PXDNL: variants seen among roughly 807,000 people sequenced by gnomAD.
PXDNL encodes peroxidasin like, also known as probable oxidoreductase PXDNL.
PXDNL carries 145 observed loss-of-function variants against 150.8 expected under a neutral mutation model. That is an observed-to-expected ratio of 0.96 (90% CI 0.84 to 1.10). PXDNL has a LOEUF of 1.10. Among genes scored for constraint, PXDNL ranks in the 50% least tolerant of loss-of-function variants. PXDNL has a pLI of 0.00. For synonymous variants in PXDNL, 757 were observed against 725.7 expected (o/e 1.04, Z -0.69); for missense variants, 2,087 against 1,873.9 (o/e 1.11, Z -2.10).
At chr8:51,360,382 G>T (rs1430515040) in intron 19 of PXDNL, among the ~76,000 whole-genome samples, 2 of 152,100 alleles carry the variant, frequency 1.3e-5, no homozygotes, top group African/African-American at 2.4e-5. Flanking sequence ...TCATGCATAT[G>T]ACTATACATG....
chr8:51,643,344 G>T (rs1357914706), intron 2 of PXDNL, among the ~76,000 whole-genome samples: 1 of 152,024 alleles, frequency 6.6e-6, no homozygotes, highest in Non-Finnish European at 1.5e-5. Context: ...CCAAAACAGA[G>T]ATATAGACCA....
intron 2 of PXDNL, among the ~76,000 whole-genome samples, chr8:51,639,303 C>A (rs891650559): frequency 2.6e-4 from 39 of 151,852 alleles, no homozygotes; most frequent in Non-Finnish European, 4.9e-4. Flanking sequence ...TAGAAAAGCA[C>A]GAGCAAACAC....
chr8:51,377,418 T>C (rs2915502), intron 17 of PXDNL, among the ~76,000 whole-genome samples: 125,431 of 152,206 alleles, frequency 0.82, 51,848 homozygotes, highest in East Asian at 0.95. Flanking sequence ...ACTCTGGCCG[T>C]GCTTGAGGGG....
At chr8:51,646,106 C>G (rs906218952) in intron 2 of PXDNL, among the ~76,000 whole-genome samples, 2 of 152,092 alleles carry the variant, frequency 1.3e-5, no homozygotes, top group African/African-American at 4.8e-5. Flanking sequence ...CCTCACGTGA[C>G]TAAATTTGCA....
intron 21 of PXDNL, among the ~76,000 whole-genome samples, chr8:51,337,252 A>G (rs998903348): frequency 6.6e-6 from 1 of 152,216 alleles, no homozygotes; most frequent in South Asian, 2.1e-4. Flanking sequence ...TATCACCACC[A>G]ATATGTAATG....
chr8:51,391,335 T>G (rs1807901634), intron 17 of PXDNL, among the ~76,000 whole-genome samples: 1 of 152,146 alleles, frequency 6.6e-6, no homozygotes, highest in Non-Finnish European at 1.5e-5. Flanking sequence ...CCACAATGGT[T>G]GAACTAGTTT....
At chr8:51,608,002 G>GAAGA (rs71237219) in intron 2 of PXDNL, among the ~76,000 whole-genome samples, 1,901 of 62,764 alleles carry the variant, frequency 0.03, 56 homozygotes, top group Middle Eastern at 0.053. Context: ...AGGAAGGAAG[G>GAAGA]AAGAAAGAAA....
chr8:51,357,539 T>C (rs1398070409), intron 19 of PXDNL, among the ~76,000 whole-genome samples: 1 of 152,250 alleles, frequency 6.6e-6, no homozygotes, highest in East Asian at 1.9e-4. Flanking sequence ...ACATATTTTT[T>C]CATACATATT....
chr8:51,656,460 A>C (rs962993947), intron 1 of PXDNL, among the ~76,000 whole-genome samples: 1 of 152,196 alleles, frequency 6.6e-6, no homozygotes, highest in Non-Finnish European at 1.5e-5. Context: ...CTATAAACAT[A>C]TAAGACATTA....
chr8:51,363,077 A>G (rs1394840576), intron 19 of PXDNL, among the ~76,000 whole-genome samples: 1 of 152,166 alleles, frequency 6.6e-6, no homozygotes, highest in Non-Finnish European at 1.5e-5. Context: ...CAAGCCCAAC[A>G]TGACCCGTTC....
intron 2 of PXDNL, among the ~76,000 whole-genome samples, chr8:51,627,755 C>A (rs554717679): frequency 6.6e-6 from 1 of 152,272 alleles, no homozygotes; most frequent in East Asian, 1.9e-4. Context: ...TTGCCCCACC[C>A]CCATCCTGGG....
At chr8:51,454,984 C>T (rs1436102963) in intron 9 of PXDNL, among the ~76,000 whole-genome samples, 1 of 96,412 alleles carries the variant, frequency 1.0e-5, no homozygotes, top group East Asian at 2.2e-4. Context: ...TGGCGGGCGC[C>T]TGTAGTCCCA....
intron 1 of PXDNL, among the ~76,000 whole-genome samples, chr8:51,690,659 A>G (rs1449092320): frequency 6.6e-6 from 1 of 152,154 alleles, no homozygotes; most frequent in Non-Finnish European, 1.5e-5. Context: ...TAGCAGTATG[A>G]TTTATAGTCC....
At chr8:51,659,857 G>GTATTTATTTATT (rs35068146) in intron 1 of PXDNL, among the ~76,000 whole-genome samples, 32 of 145,938 alleles carry the variant, frequency 2.2e-4, no homozygotes, top group South Asian at 9.0e-4. Flanking sequence ...ACAAATTGCA[G>GTATTTATTTATT]TATTTATTTA....
At position 51,409,046 on chromosome 8, in the gene PXDNL, T is replaced by A; in HGVS notation, c.2578A>T (p.Met860Leu). 6.8e-6 allele frequency: 11 copies of A among 1,610,164 alleles called. No individual in the cohort carries two copies. Among genetic ancestry groups the A allele is most frequent in the Non-Finnish European group, 9.3e-6 (11 of 1,179,584 alleles). The change falls in exon 17 of 23, where the codon ATG (methionine) becomes TTG (leucine). Residue 860 changes from methionine (M) to leucine (L), a missense_variant. Physicochemically the swap from Met to Leu is conservative, Grantham distance 15. Transcript: ENST00000356297. Reference sequence around the variant, plus strand: ...GCGGGGCTGGAGCGCGCGAAGAGCATGCAGGGCGCGTGGGTGCCCCGGGGG... The same window carrying A: ...GCGGGGCTGGAGCGCGCGAAGAGCAAGCAGGGCGCGTGGGTGCCCCGGGGG... ...ADPRGTHAPC[M>L]LFARSSPACA...
intron 1 of PXDNL, among the ~76,000 whole-genome samples, chr8:51,714,590 C>T (rs924535337): frequency 6.6e-6 from 1 of 151,942 alleles, no homozygotes; most frequent in African/African-American, 2.4e-5. Context: ...TGTTGCTATT[C>T]TGAAAGCATT....
chr8:51,754,275 ACC>A (rs1247913977), intron 1 of PXDNL, among the ~76,000 whole-genome samples: 3 of 152,162 alleles, frequency 2.0e-5, no homozygotes, highest in African/African-American at 7.2e-5. Flanking sequence ...TGTAATGAAT[ACC>A]CAGGTGCCAA....
chr8:51,659,299 A>G (rs999792508), intron 1 of PXDNL, among the ~76,000 whole-genome samples: 2 of 152,198 alleles, frequency 1.3e-5, no homozygotes, highest in Non-Finnish European at 2.9e-5. Context: ...AGTTGGGCAC[A>G]TGGAATTTGC....
chr8:51,524,462 T>C (rs949734074), intron 4 of PXDNL, among the ~76,000 whole-genome samples: 3 of 152,192 alleles, frequency 2.0e-5, no homozygotes, highest in African/African-American at 7.2e-5. Context: ...ATAATAGCTT[T>C]CAAAAACCAC....
Sources: allele counts gnomAD v4.1 joint callset (sites outside exome capture counted in the v4.1 genomes callset), GRCh38; gene constraint gnomAD v4.1.1; transcripts MANE v1.5; gene names NCBI Gene and HGNC (gene_info 2026-07-23, HGNC 2026-07-21).